VPS41: variants seen among roughly 807,000 people sequenced by gnomAD.
The protein encoded by VPS41 is VPS41 subunit of HOPS complex.
In VPS41, 85 loss-of-function variants were observed where a neutral mutation model predicts 130.9. That is an observed-to-expected ratio of 0.65 (90% confidence interval 0.55 to 0.78). The LOEUF (loss-of-function observed/expected upper bound fraction) is 0.78, where lower values mean the gene tolerates loss of function less well. VPS41 is among the 30% of genes least tolerant of loss of function. VPS41 has a pLI of 0.00. For synonymous variants in VPS41, 335 were observed against 332.9 expected, an observed-to-expected ratio of 1.01 and a Z score of -0.07; for missense variants, 874 against 1,018.7, an observed-to-expected ratio of 0.86 and a Z score of 1.93.
At chr7:38,760,481 C>A (rs142105564) in intron 17 of VPS41, among the ~76,000 whole-genome samples, 122 of 152,276 alleles carry the variant, frequency 8.0e-4, no homozygotes, top group African/African-American at 2.8e-3. Flanking sequence ...TCTCTTTTTA[C>A]ATGTAAAACG....
chr7:38,752,077 A>G, intron 22 of VPS41, 99 bp downstream of exon 22: 3 of 1,513,982 alleles, frequency 2.0e-6, no homozygotes, highest in Non-Finnish European at 2.7e-6. Flanking sequence ...CTGGAAAGGG[A>G]CAGATGAACA....
intron 17 of VPS41, 144 bp downstream of exon 17, chr7:38,763,311 G>C (rs1031256975): frequency 2.1e-6 from 1 of 473,622 alleles, no homozygotes; most frequent in African/African-American, 2.0e-5. Flanking sequence ...AGTTATACTG[G>C]AGTTTCTCTA....
intron 4 of VPS41, among the ~76,000 whole-genome samples, chr7:38,835,165 T>A (rs1235099057): frequency 6.6e-6 from 1 of 152,010 alleles, no homozygotes; most frequent in African/African-American, 2.4e-5. Flanking sequence ...TCTTTGATTA[T>A]CATTATCAGG....
At chr7:38,786,880 C>T (rs1784447819) in intron 10 of VPS41, among the ~76,000 whole-genome samples, 1 of 152,070 alleles carries the variant, frequency 6.6e-6, no homozygotes. Context: ...AAAATGGTAA[C>T]AGGTGGATAA....
chr7:38,791,972 A>G (rs1784544454), intron 9 of VPS41, among the ~76,000 whole-genome samples: 1 of 152,146 alleles, frequency 6.6e-6, no homozygotes, highest in South Asian at 2.1e-4. Flanking sequence ...AGACAATGTT[A>G]TTATGTTTAA....
chr7:38,726,535 C>T (rs1046833421), intron 28 of VPS41, among the ~76,000 whole-genome samples: 2 of 152,042 alleles, frequency 1.3e-5, no homozygotes, highest in Admixed American at 6.6e-5. Context: ...CAGCAGAATA[C>T]GTCTAATGTG....
chr7:38,825,827 G>A (rs1304863720), intron 5 of VPS41, among the ~76,000 whole-genome samples: 1 of 152,160 alleles, frequency 6.6e-6, no homozygotes, highest in Non-Finnish European at 1.5e-5. Flanking sequence ...AGTAAGGGAT[G>A]TAATCATTCT....
chr7:38,880,150 C>A (rs1285866086), intron 2 of VPS41, among the ~76,000 whole-genome samples: 1 of 152,016 alleles, frequency 6.6e-6, no homozygotes, highest in Non-Finnish European at 1.5e-5. Flanking sequence ...TCTGGTAATA[C>A]CCAGTGAATG....
At chr7:38,819,022 C>T (rs888620139) in intron 6 of VPS41, among the ~76,000 whole-genome samples, 3 of 152,192 alleles carry the variant, frequency 2.0e-5, no homozygotes, top group Non-Finnish European at 2.9e-5. Flanking sequence ...GAAGGATTCA[C>T]ACATTCTATT....
chr7:38,907,334 CAG>C (rs1391143074), intron 1 of VPS41, among the ~76,000 whole-genome samples: 3 of 152,122 alleles, frequency 2.0e-5, no homozygotes, highest in Non-Finnish European at 4.4e-5. Flanking sequence ...ACAGCTGATG[CAG>C]AGTCACAGAA....
intron 2 of VPS41, among the ~76,000 whole-genome samples, chr7:38,873,349 G>A (rs1392643240): frequency 6.6e-6 from 1 of 151,644 alleles, no homozygotes; most frequent in African/African-American, 2.4e-5. Context: ...ACGATTCATG[G>A]AGGTTATTCT....
intron 10 of VPS41, among the ~76,000 whole-genome samples, chr7:38,777,162 C>A (rs189587342): frequency 5.5e-4 from 83 of 152,052 alleles, no homozygotes; most frequent in Middle Eastern, 6.8e-3. Context: ...TTCCTGAGTT[C>A]GTTTTTCTCA....
intron 9 of VPS41, among the ~76,000 whole-genome samples, chr7:38,791,612 C>G (rs1017791351): frequency 6.6e-6 from 1 of 152,096 alleles, no homozygotes; most frequent in Non-Finnish European, 1.5e-5. Flanking sequence ...AGAGACAACA[C>G]AGGAGAACAC....
intron 10 of VPS41, among the ~76,000 whole-genome samples, chr7:38,779,038 A>G (rs918873932): frequency 3.9e-5 from 6 of 152,202 alleles, no homozygotes; most frequent in African/African-American, 1.4e-4. Flanking sequence ...TAGAAACTCC[A>G]ATGTGTTCTA....
intron 2 of VPS41, among the ~76,000 whole-genome samples, chr7:38,869,758 A>G (rs1786309560): frequency 6.6e-6 from 1 of 152,166 alleles, no homozygotes; most frequent in African/African-American, 2.4e-5. Context: ...CATAAAAATA[A>G]TCTACTCATT....
At chr7:38,789,216 G>A (rs1425109431) in intron 10 of VPS41, among the ~76,000 whole-genome samples, 1 of 152,104 alleles carries the variant, frequency 6.6e-6, no homozygotes, top group African/African-American at 2.4e-5. Flanking sequence ...GACCCTGTGT[G>A]TGCTCAAAAG....
chr7:38,877,180 CG>C (rs1191566344), intron 2 of VPS41, among the ~76,000 whole-genome samples: 3 of 152,102 alleles, frequency 2.0e-5, no homozygotes, highest in African/African-American at 7.2e-5. Flanking sequence ...TGAAAACAAA[CG>C]TATGTAGTAA....
chr7:38,743,544 T>G lies in VPS41; in HGVS notation c.1982-2A>C, dbSNP rs1261873534. The G allele has an allele frequency of 2.5e-6, 4 of 1,613,392 alleles. No individual in the cohort carries two copies. The highest frequency in any genetic ancestry group is 3.4e-6 in the Non-Finnish European group (4 of 1,179,572). On this transcript the variant is annotated splice_acceptor_variant, in intron 23 of 28. Coordinates refer to ENST00000310301, the MANE Select transcript of VPS41 (RefSeq NM_014396.4). LOFTEE classifies it high-confidence loss of function. Reference sequence around the variant, plus strand: ...CACTTCGGCTATTACCCATTCGGCCTTGGTGGGGTGAAGATGGGAGAAAGA... The same window carrying G: ...CACTTCGGCTATTACCCATTCGGCCGTGGTGGGGTGAAGATGGGAGAAAGA...
rs372293309 is a variant in VPS41 at position 38,905,130 on chromosome 7, CT to C, written c.21+4023del. On this transcript the variant is annotated intron_variant, in intron 1 of 28. Coordinates refer to ENST00000310301, the MANE Select transcript of VPS41 (RefSeq NM_014396.4). ...TCCCCCTAATAAATTCATTTAAACA[CT>C]TTACTAAACACTTAGTACCTATAAA... Among the ~76,000 whole-genome samples the C allele has an allele frequency of 5.6e-3, 855 of 152,242 alleles. 8 individuals are homozygous for C. The highest frequency in any genetic ancestry group is 0.02 in the African/African-American group (813 of 41,532).
Sources: gnomAD v4.1 joint callset for allele counts (sites outside exome capture counted in the v4.1 genomes callset) on GRCh38, gnomAD v4.1.1 for gene constraint, MANE v1.5 for transcripts, NCBI Gene and HGNC (gene_info 2026-07-23, HGNC 2026-07-21) for gene names.